The following KIAA1549L variants were observed in gnomAD, a reference collection of about 807,000 sequenced individuals.
KIAA1549L encodes KIAA1549 like, also known as UPF0606 protein KIAA1549L.
Under a neutral mutation model 160.7 loss-of-function variants are expected in KIAA1549L, and 88 were observed. The observed-to-expected ratio is 0.55, with a 90% CI of 0.46 to 0.65. The LOEUF is 0.65. KIAA1549L is among the 30% of genes least tolerant of loss of function. The pLI is 0.00. For missense variants in KIAA1549L, 2,258 were observed against 2,437.5 expected (o/e 0.93, Z 1.55); for synonymous variants, 950 against 976.7 (o/e 0.97, Z 0.51).
intron 12 of KIAA1549L, among the ~76,000 whole-genome samples, chr11:33,596,894 T>A (rs1315912994): frequency 6.6e-6 from 1 of 152,042 alleles, no homozygotes; most frequent in Non-Finnish European, 1.5e-5. Flanking sequence ...CCAGAAACAA[T>A]CTAGGGGTGT....
At position 33,495,490 on chromosome 11, in the gene KIAA1549L, C is replaced by T. The variant is rs1414930622; in HGVS notation, c.239-46312C>T. On this transcript the variant is annotated intron_variant, in intron 1 of 20. Transcript: ENST00000658780. ...TTTATGGCTGCATAGTATTCCATGG[C>T]GTATATGTGCCACATTTTCTTAATC... Among the ~76,000 whole-genome samples the T allele has an allele frequency of 5.9e-5, 9 of 151,956 alleles. No individual in the cohort carries two copies. In the South Asian group the frequency reaches 8.4e-4, roughly 14 times the overall value.
chr11:33,462,952 G>A (rs964177460), intron 1 of KIAA1549L, among the ~76,000 whole-genome samples: 2 of 151,824 alleles, frequency 1.3e-5, no homozygotes, highest in Non-Finnish European at 2.9e-5. Context: ...TCTGCCTCCC[G>A]AGTAGCCAGG....
intron 16 of KIAA1549L, among the ~76,000 whole-genome samples, chr11:33,620,320 A>G (rs1850923758): frequency 6.6e-6 from 1 of 152,238 alleles, no homozygotes; most frequent in African/African-American, 2.4e-5. Context: ...AGACTTCTTT[A>G]AAATAGATAC....
At chr11:33,609,419 A>G (rs1850588648) in intron 14 of KIAA1549L, among the ~76,000 whole-genome samples, 1 of 152,216 alleles carries the variant, frequency 6.6e-6, no homozygotes, top group Non-Finnish European at 1.5e-5. Flanking sequence ...ACACAGAGGA[A>G]CCAAAAGGGT....
chr11:33,474,891 T>A (rs906022147), intron 1 of KIAA1549L, among the ~76,000 whole-genome samples: 1 of 152,218 alleles, frequency 6.6e-6, no homozygotes, highest in Non-Finnish European at 1.5e-5. Context: ...GGAATTCTAA[T>A]TATTTGGTGT....
In KIAA1549L at chr11:33,497,969, C is replaced by G. The variant is rs180940196; in HGVS notation, c.239-43833C>G. ...GATCTTGGAAAACTTACTGGAGTTT[C>G]TCTGAACCTTATCTCCTCATCTATA... On this transcript the variant is annotated intron_variant, in intron 1 of 20. Transcript: ENST00000658780. Among the ~76,000 whole-genome samples, 206 of 152,236 alleles carry G rather than the reference C, an allele frequency of 1.4e-3. 2 individuals carry two copies. Among genetic ancestry groups the G allele is most frequent in the African/African-American group, 4.7e-3 (197 of 41,540 alleles).
At chr11:33,390,848 A>G (rs11032252) in intron 1 of KIAA1549L, among the ~76,000 whole-genome samples, 17,068 of 152,140 alleles carry the variant, frequency 0.11, 1,608 homozygotes, top group African/African-American at 0.26. Context: ...ATTTCAAGCT[A>G]CTAACATGAT....
intron 6 of KIAA1549L, among the ~76,000 whole-genome samples, chr11:33,554,871 A>G (rs570640466): frequency 1.7e-4 from 26 of 152,318 alleles, no homozygotes; most frequent in Admixed American, 3.9e-4. Flanking sequence ...CCATCAGCCT[A>G]TAGGTCTTCT....
chr11:33,673,906 C>T lies in KIAA1549L; in HGVS notation c.*5752C>T, dbSNP rs1342085492. On this transcript the variant is annotated 3_prime_UTR_variant, in exon 21 of 21. Coordinates refer to ENST00000658780, the MANE Select transcript of KIAA1549L (RefSeq NM_012194.3). The stretch of plus-strand genomic sequence containing the variant: ...TTAACTCTGGGTGAAAAACCCCAAC[C>T]GGTGAGTCTTTAAAACCATATTAGA... The T allele has an allele frequency of 2.0e-5, 3 of 152,208 alleles. No individual in the cohort carries two copies. The highest frequency in any genetic ancestry group is 6.5e-5 in the Admixed American group (1 of 15,284). 9.4% of individuals were successfully genotyped at this position (152,208 alleles called of 1,614,324 possible).
At chr11:33,517,133 C>T (rs955177108) in intron 1 of KIAA1549L, among the ~76,000 whole-genome samples, 2 of 152,142 alleles carry the variant, frequency 1.3e-5, no homozygotes. Flanking sequence ...TCCTCGATGA[C>T]GATGCTAGGG....
intron 12 of KIAA1549L, among the ~76,000 whole-genome samples, chr11:33,595,112 ATCTAC>A (rs1325378851): frequency 1.3e-5 from 2 of 152,208 alleles, no homozygotes; most frequent in Non-Finnish European, 2.9e-5. Context: ...TTAGCAAGGA[ATCTAC>A]TCTTGCTAAT....
At chr11:33,662,292 T>C (rs1348812996) in intron 20 of KIAA1549L, among the ~76,000 whole-genome samples, 1 of 152,194 alleles carries the variant, frequency 6.6e-6, no homozygotes, top group Non-Finnish European at 1.5e-5. Context: ...CATCTAGTAA[T>C]ATGCCCACCC....
chr11:33,606,776 C>A lies in KIAA1549L; in HGVS notation c.5015C>A (p.Pro1672His). ...CCCACAGCCCTCCCCATGGTGCCCC[C>A]CACCTCGGACAGGAGCCAGGAGTCA... ...IKPTALPMVPPTSDRSQESSA... is the reference protein window; with the variant it reads ...IKPTALPMVPHTSDRSQESSA... Residue 1672 changes from proline to histidine, a missense_variant, in exon 14 of 21, where the codon CCC (proline) becomes CAC (histidine). Around this residue, in one of 6 missense-constraint regions of KIAA1549L, gnomAD observed 1,359 missense variants for 1,546.6 expected, o/e 0.88. Transcript: ENST00000658780. 1.2e-6 allele frequency: 2 copies of A among 1,613,144 alleles called. No individual in the cohort carries two copies. The highest frequency in any genetic ancestry group is 1.7e-6 in the Non-Finnish European group (2 of 1,179,592).
intron 1 of KIAA1549L, among the ~76,000 whole-genome samples, chr11:33,530,484 T>TATATATATAA (rs1853743802): frequency 8.0e-6 from 1 of 125,398 alleles, no homozygotes; most frequent in Non-Finnish European, 1.7e-5. Flanking sequence ...TATATATATA[T>TATATATATAA]GCAAGATTTG....
intron 1 of KIAA1549L, among the ~76,000 whole-genome samples, chr11:33,395,303 T>A (rs1850350916): frequency 6.6e-6 from 1 of 152,220 alleles, no homozygotes; most frequent in African/African-American, 2.4e-5. Context: ...TAATAATAGC[T>A]AACACTTAAT....
chr11:33,390,109 G>T (rs1276959978), intron 1 of KIAA1549L, among the ~76,000 whole-genome samples: 2 of 152,224 alleles, frequency 1.3e-5, no homozygotes, highest in Non-Finnish European at 2.9e-5. Flanking sequence ...AGTAGGTTCT[G>T]CAATTATCCC....
intron 1 of KIAA1549L, among the ~76,000 whole-genome samples, chr11:33,465,046 CTTTTTTTTTTTTTTT>C (rs1008261470): frequency 2.0e-4 from 16 of 78,966 alleles, no homozygotes; most frequent in Admixed American, 3.0e-4. Flanking sequence ...GGACCTTCTT[CTTTTTTTTTTTTTTT>C]TTTTTTTTTT....
chr11:33,651,002 G>A lies in KIAA1549L; in HGVS notation c.5760+4966G>A, dbSNP rs112120809. 7.6e-3 allele frequency among the ~76,000 whole-genome samples: 1,157 copies of A among 152,212 alleles called. 20 individuals are homozygous for A. The highest frequency in any genetic ancestry group is 0.026 in the African/African-American group (1,069 of 41,524). On this transcript the variant is annotated intron_variant, in intron 17 of 20. Coordinates refer to ENST00000658780, the MANE Select transcript of KIAA1549L (RefSeq NM_012194.3). ...TCCCCCAGGGTGAGACAGGACAGAA[G>A]GCCCCTTTTCCAGGCCCACTGGCAT...
At chr11:33,549,525 G>A (rs1854383338) in intron 4 of KIAA1549L, among the ~76,000 whole-genome samples, 1 of 152,160 alleles carries the variant, frequency 6.6e-6, no homozygotes, top group Non-Finnish European at 1.5e-5. Flanking sequence ...CTGTGTCCAC[G>A]TTCCATGCTG....
Sources: gnomAD v4.1 joint callset for allele counts (sites outside exome capture counted in the v4.1 genomes callset) on GRCh38, gnomAD v4.1.1 for gene constraint, gnomAD v4.1.1 regional missense constraint, MANE v1.5 for transcripts, NCBI Gene and HGNC (gene_info 2026-07-23, HGNC 2026-07-21) for gene names.